The following NSRP1 variants were observed in gnomAD, a reference collection of about 807,000 sequenced individuals.
NSRP1 encodes the protein nuclear speckle splicing regulatory protein 1.
In NSRP1, 24 loss-of-function variants were observed where a neutral mutation model predicts 54.7. The ratio of observed to expected loss-of-function variants is 0.44; its 90% CI spans 0.32 to 0.62. The LOEUF (loss-of-function observed/expected upper bound fraction) is 0.62, where lower values mean the gene tolerates loss of function less well. Ranked by LOEUF, NSRP1 falls within the 20% of genes least tolerant of loss-of-function variation. The pLI is 0.06. For synonymous variants in NSRP1, 210 were observed against 213.8 expected (o/e 0.98, Z 0.15); for missense variants, 596 against 651.2 (o/e 0.92, Z 0.92).
intron 2 of NSRP1, among the ~76,000 whole-genome samples, chr17:30,170,373 A>G (rs1166602768): frequency 6.6e-6 from 1 of 152,110 alleles, no homozygotes; most frequent in Non-Finnish European, 1.5e-5. Flanking sequence ...ATATAGTACA[A>G]TTTTATTACC....
chr17:30,137,783 CTG>C (rs2071763122), intron 2 of NSRP1, among the ~76,000 whole-genome samples: 1 of 152,078 alleles, frequency 6.6e-6, no homozygotes, highest in Non-Finnish European at 1.5e-5. Context: ...CTAGGATAAA[CTG>C]TACTTAGTCT....
intron 2 of NSRP1, among the ~76,000 whole-genome samples, chr17:30,124,444 A>G (rs887426774): frequency 3.3e-5 from 5 of 152,218 alleles, no homozygotes; most frequent in South Asian, 2.1e-4. Context: ...GGCCTGGGCC[A>G]TTTTGTGCTA....
chr17:30,165,944 T>C (rs1201682082), intron 2 of NSRP1, among the ~76,000 whole-genome samples: 5 of 152,238 alleles, frequency 3.3e-5, no homozygotes, highest in Non-Finnish European at 7.4e-5. Flanking sequence ...CTGATAAATA[T>C]ACTATAAAGA....
chr17:30,175,032 T>C (rs908951297), intron 3 of NSRP1, among the ~76,000 whole-genome samples: 3 of 152,234 alleles, frequency 2.0e-5, no homozygotes, highest in Non-Finnish European at 4.4e-5. Context: ...AATATGATAC[T>C]ATATACATTT....
At chr17:30,161,933 C>T (rs1381761898) in intron 2 of NSRP1, among the ~76,000 whole-genome samples, 1 of 151,806 alleles carries the variant, frequency 6.6e-6, no homozygotes, top group African/African-American at 2.4e-5. Flanking sequence ...TTATTTTCAC[C>T]TCTTTAGTTA....
At chr17:30,139,397 A>G (rs998913998) in intron 2 of NSRP1, among the ~76,000 whole-genome samples, 4 of 152,036 alleles carry the variant, frequency 2.6e-5, no homozygotes, top group Admixed American at 1.3e-4. Flanking sequence ...CAGTTTATCA[A>G]TTTTTTTGTT....
At chr17:30,176,783 A>T (rs549468638) in intron 3 of NSRP1, among the ~76,000 whole-genome samples, 31 of 152,256 alleles carry the variant, frequency 2.0e-4, no homozygotes, top group African/African-American at 7.5e-4. Flanking sequence ...TTCACTTTCT[A>T]AAGGTTGAGA....
At chr17:30,162,811 C>T (rs1287400549) in intron 2 of NSRP1, among the ~76,000 whole-genome samples, 1 of 151,806 alleles carries the variant, frequency 6.6e-6, no homozygotes, top group Non-Finnish European at 1.5e-5. Flanking sequence ...TGGTCTAGTA[C>T]CTATACTTTT....
chr17:30,150,397 T>G (rs2071895489), intron 2 of NSRP1: 1 of 150,708 alleles, frequency 6.6e-6, no homozygotes, highest in Non-Finnish European at 1.5e-5. Flanking sequence ...GTGGTTTTTT[T>G]TTTGAGACGG....
At chr17:30,131,700 G>A (rs1225346930) in intron 2 of NSRP1, among the ~76,000 whole-genome samples, 1 of 152,068 alleles carries the variant, frequency 6.6e-6, no homozygotes, top group Non-Finnish European at 1.5e-5. Context: ...TTTGCTGAAG[G>A]CTGGGTGGCC....
At chr17:30,140,040 T>C (rs956639237) in intron 2 of NSRP1, among the ~76,000 whole-genome samples, 3 of 152,146 alleles carry the variant, frequency 2.0e-5, no homozygotes, top group African/African-American at 2.4e-5. Context: ...AAAGACATTA[T>C]TTGCTTTTTA....
chr17:30,123,130 C>T (rs1025118606), intron 2 of NSRP1, among the ~76,000 whole-genome samples: 12 of 152,000 alleles, frequency 7.9e-5, no homozygotes, highest in African/African-American at 2.4e-4. Flanking sequence ...GACAGAGTCT[C>T]GCTCTGTAGC....
At chr17:30,153,416 A>T (rs1260148526) in intron 2 of NSRP1, among the ~76,000 whole-genome samples, 1 of 152,110 alleles carries the variant, frequency 6.6e-6, no homozygotes. Flanking sequence ...ATCCCAAACC[A>T]ATCTATGCTT....
intron 2 of NSRP1, among the ~76,000 whole-genome samples, chr17:30,121,495 A>AT (rs2071596134): frequency 6.6e-6 from 1 of 151,384 alleles, no homozygotes; most frequent in African/African-American, 2.4e-5. Context: ...TCATTAAAAA[A>AT]ATATATAATT....
chr17:30,127,542 T>G (rs1297375010), intron 2 of NSRP1, among the ~76,000 whole-genome samples: 1 of 152,116 alleles, frequency 6.6e-6, no homozygotes, highest in Non-Finnish European at 1.5e-5. Context: ...AACACTCCAG[T>G]AGCTGGCACC....
At chr17:30,140,343 G>T (rs2071792111) in intron 2 of NSRP1, among the ~76,000 whole-genome samples, 2 of 151,988 alleles carry the variant, frequency 1.3e-5, no homozygotes, top group South Asian at 4.1e-4. Context: ...ACCCATGCAT[G>T]TAAACAAAAG....
rs188328313 is a variant in NSRP1 at position 30,119,028 on chromosome 17, G to A, written c.114+855G>A. 1.3e-4 allele frequency among the ~76,000 whole-genome samples: 19 copies of A among 151,848 alleles called. No homozygotes were observed. In the East Asian group the frequency reaches 2.7e-3, roughly 22 times the overall value. On this transcript the variant is annotated intron_variant, in intron 2 of 6. Coordinates refer to ENST00000247026, the MANE Select transcript of NSRP1 (RefSeq NM_032141.4). The stretch of plus-strand genomic sequence containing the variant: ...TTCCCAAAGTGCTGGGATTACAGGC[G>A]TAAGCCACCGCACCCAGTAAATATG...
intron 2 of NSRP1, among the ~76,000 whole-genome samples, chr17:30,162,763 T>C (rs1339415215): frequency 2.0e-5 from 3 of 152,204 alleles, no homozygotes; most frequent in African/African-American, 7.2e-5. Flanking sequence ...TTAAAATAAA[T>C]TTATTATTGA....
intron 2 of NSRP1, among the ~76,000 whole-genome samples, chr17:30,163,679 CTTT>C (rs370423700): frequency 2.2e-5 from 2 of 90,878 alleles, no homozygotes; most frequent in Non-Finnish European, 3.9e-5. Context: ...ACTTTGACCA[CTTT>C]TTTTTTTTTT....
Sources: allele counts gnomAD v4.1 joint callset (sites outside exome capture counted in the v4.1 genomes callset), GRCh38; gene constraint gnomAD v4.1.1; transcripts MANE v1.5; gene names NCBI Gene and HGNC (gene_info 2026-07-23, HGNC 2026-07-21).